MTAP: variants seen among roughly 807,000 people sequenced by gnomAD.
The protein encoded by MTAP is methylthioadenosine phosphorylase, also known as S-methyl-5'-thioadenosine phosphorylase.
Under a neutral mutation model 33.6 loss-of-function variants are expected in MTAP, and 33 were observed. That is an observed-to-expected ratio of 0.98 (90% CI 0.74 to 1.31). The LOEUF (loss-of-function observed/expected upper bound fraction) is 1.31. MTAP is among the 40% of genes most tolerant of loss of function. MTAP has a pLI of 0.00. For synonymous variants in MTAP, 148 were observed against 125.7 expected, an observed-to-expected ratio of 1.18 and a Z score of -1.19; for missense variants, 367 against 360.0, an observed-to-expected ratio of 1.02 and a Z score of -0.16.
intron 5 of MTAP, among the ~76,000 whole-genome samples, chr9:21,851,267 A>G (rs996499823): frequency 5.9e-5 from 9 of 152,350 alleles, no homozygotes; most frequent in Admixed American, 5.9e-4. Flanking sequence ...GAAGGTAGTC[A>G]TCGATACCAG....
chr9:21,852,471 A>T (rs1250055063), intron 5 of MTAP, among the ~76,000 whole-genome samples: 1 of 149,672 alleles, frequency 6.7e-6, no homozygotes, highest in Non-Finnish European at 1.5e-5. Context: ...GATCGCACTA[A>T]TGCATTCCAG....
At chr9:21,842,060 A>G (rs984557127) in intron 5 of MTAP, among the ~76,000 whole-genome samples, 7 of 152,228 alleles carry the variant, frequency 4.6e-5, no homozygotes, top group African/African-American at 1.4e-4. Flanking sequence ...AAACTTCTGC[A>G]GAGAAATATC....
chr9:21,845,056 A>G lies in MTAP; in HGVS notation c.450+7046A>G, dbSNP rs555773223. ...AAAAAAAAAAAAAAAGCCATCTATGACAAACCCACAGCCAGTGTTATATTG... is the reference window on the plus strand; with the variant it reads ...AAAAAAAAAAAAAAAGCCATCTATGGCAAACCCACAGCCAGTGTTATATTG... On this transcript the variant is annotated intron_variant, in intron 5 of 7. Transcript: ENST00000644715. Among the ~76,000 whole-genome samples the G allele has an allele frequency of 3.3e-5, 5 of 151,316 alleles. No homozygotes were observed. The East Asian group carries it at 9.7e-4, about 29-fold the overall frequency.
intron 1 of MTAP, among the ~76,000 whole-genome samples, chr9:21,915,984 G>C (rs77105309): frequency 0.042 from 6,203 of 148,360 alleles, 346 homozygotes; most frequent in African/African-American, 0.13. Context: ...GAACTGTGAT[G>C]ACACCACAGC....
chr9:21,929,614 C>T (rs1345882397), intron 1 of MTAP: 1 of 326,168 alleles, frequency 3.1e-6, no homozygotes. Context: ...CTCTAAAACA[C>T]CAGGGAGAGC....
chr9:21,897,041 T>C (rs1340520533), intron 1 of MTAP, among the ~76,000 whole-genome samples: 2 of 152,194 alleles, frequency 1.3e-5, no homozygotes, highest in East Asian at 3.8e-4. Context: ...CATGATCAAG[T>C]GGGCTTCATC....
chr9:21,905,362 G>A lies in MTAP; in HGVS notation c.148-25646G>A, dbSNP rs574547199. ...GGGTTTTTACAGGCACAGGATGGGG[G>A]GCGTGGCATTTCCCTGCCCCCCTCC... On this transcript the variant is annotated intron_variant, in intron 1 of 1. Transcript: ENST00000577563. Among the ~76,000 whole-genome samples, 184 of 152,098 alleles carry A rather than the reference G, an allele frequency of 1.2e-3. 4 individuals carry two copies. In the Middle Eastern group the frequency reaches 0.024, roughly 20 times the overall value.
chr9:21,889,992 G>A (rs541419071), intron 1 of MTAP, among the ~76,000 whole-genome samples: 1 of 152,248 alleles, frequency 6.6e-6, no homozygotes, highest in Non-Finnish European at 1.5e-5. Context: ...TGATAGGAAA[G>A]ACCATAGAGC....
chr9:21,920,921 A>C (rs1360440023), intron 1 of MTAP, among the ~76,000 whole-genome samples: 1 of 152,172 alleles, frequency 6.6e-6, no homozygotes, highest in Non-Finnish European at 1.5e-5. Flanking sequence ...GGTAATGCTG[A>C]CCTTGTAGAA....
intron 1 of MTAP, among the ~76,000 whole-genome samples, chr9:21,912,826 AAAG>A (rs1460953876): frequency 1.3e-5 from 2 of 152,232 alleles, no homozygotes; most frequent in Non-Finnish European, 2.9e-5. Context: ...TCACTTAGGA[AAAG>A]AAGAAGTCAA....
chr9:21,891,712 G>A (rs1338988605), intron 1 of MTAP, among the ~76,000 whole-genome samples: 3 of 152,140 alleles, frequency 2.0e-5, no homozygotes, highest in Non-Finnish European at 4.4e-5. Flanking sequence ...TAATGAGACT[G>A]TGCACAAAAG....
chr9:21,928,403 T>C (rs1416888888), intron 1 of MTAP, among the ~76,000 whole-genome samples: 2 of 152,278 alleles, frequency 1.3e-5, no homozygotes, highest in East Asian at 3.9e-4. Context: ...GTACATACTC[T>C]GGGGAGGACT....
chr9:21,870,323 A>C (rs1825918313), downstream of MTAP, among the ~76,000 whole-genome samples: 1 of 152,220 alleles, frequency 6.6e-6, no homozygotes, highest in South Asian at 2.1e-4. Flanking sequence ...CTCCCAACAC[A>C]CACACTTCCT....
rs575554173 is a variant in MTAP, at chr9:21,829,358, G to A, written c.348-8550G>A. On this transcript the variant is annotated intron_variant, in intron 4 of 7. Transcript: ENST00000644715. ...CAAATCACTTTACCCACTACACGTT[G>A]GTTCTTTCTTCCCAATGGAGGGCTG... is the stretch of plus-strand genomic sequence containing the variant. Among the ~76,000 whole-genome samples, 14 of 151,938 alleles carry A rather than the reference G, an allele frequency of 9.2e-5. No homozygotes were observed. The East Asian group carries it at 2.7e-3, about 29-fold the overall frequency.
intron 4 of MTAP, 37 bp downstream of exon 4, chr9:21,818,239 C>G: frequency 6.5e-7 from 1 of 1,539,444 alleles, no homozygotes; most frequent in Non-Finnish European, 8.8e-7. Context: ...GCTATTGTAG[C>G]TGGTCATTTT....
intron 1 of MTAP, among the ~76,000 whole-genome samples, chr9:21,897,208 C>T (rs896230941): frequency 1.3e-5 from 2 of 152,144 alleles, no homozygotes; most frequent in Non-Finnish European, 2.9e-5. Context: ...TCTCCATAAG[C>T]TAGGTATTGA....
intron 1 of MTAP, among the ~76,000 whole-genome samples, chr9:21,881,570 A>G (rs1432904039): frequency 1.3e-5 from 2 of 152,148 alleles, no homozygotes; most frequent in Non-Finnish European, 2.9e-5. Context: ...AAAAGTGGGC[A>G]GAAGACTTGA....
chr9:21,911,957 C>G (rs546581523), intron 1 of MTAP, among the ~76,000 whole-genome samples: 3 of 152,036 alleles, frequency 2.0e-5, no homozygotes, highest in Non-Finnish European at 4.4e-5. Context: ...GTATCAAGAC[C>G]GATCCCACAG....
At chr9:21,923,801 A>G (rs1818824943) in intron 1 of MTAP, among the ~76,000 whole-genome samples, 1 of 146,536 alleles carries the variant, frequency 6.8e-6, no homozygotes, top group Non-Finnish European at 1.5e-5. Flanking sequence ...AACATGGGAA[A>G]TGGATTATAA....
Sources: gnomAD v4.1 joint callset for allele counts (sites outside exome capture counted in the v4.1 genomes callset) on GRCh38, gnomAD v4.1.1 for gene constraint, MANE v1.5 for transcripts, NCBI Gene and HGNC (gene_info 2026-07-23, HGNC 2026-07-21) for gene names.